Variants in ROBO2 observed in about 807,000 individuals in gnomAD.
The protein encoded by ROBO2 is roundabout homolog 2.
Under a neutral mutation model 160.8 loss-of-function variants are expected in ROBO2, and 53 were observed. The ratio of observed to expected loss-of-function variants is 0.33; its 90% CI spans 0.26 to 0.41. ROBO2 has a LOEUF of 0.41. Among genes scored for constraint, ROBO2 ranks in the 10% least tolerant of loss-of-function variants. The pLI, the probability that ROBO2 is intolerant of heterozygous loss-of-function variation, is 1.00. For missense variants in ROBO2, 1,577 were observed against 1,722.4 expected (o/e 0.92, Z 1.49); for synonymous variants, 664 against 611.7 (o/e 1.09, Z -1.26).
chr3:76,475,487 C>G (rs1283674594), intron 2 of ROBO2, among the ~76,000 whole-genome samples: 2 of 151,232 alleles, frequency 1.3e-5, no homozygotes, highest in Non-Finnish European at 2.9e-5. Context: ...ATCTGACTTT[C>G]ACTTTAAAAG....
At chr3:76,512,322 G>GTATATATATA (rs3043037) in intron 2 of ROBO2, among the ~76,000 whole-genome samples, 80 of 140,482 alleles carry the variant, frequency 5.7e-4, no homozygotes, top group African/African-American at 2.1e-3. Flanking sequence ...ATATATATAT[G>GTATATATATA]TATATATATA....
rs189013093 is a variant in ROBO2 at position 76,009,154 on chromosome 3, G to C, written c.109+71552G>C. On this transcript the variant is annotated intron_variant, in intron 2 of 26. Transcript: ENST00000487694. ...GTCTTGCTCTGTCGCCCAGGCTGGA[G>C]TGCAGGGGCGCGATCTCGGCTCACT... Among the ~76,000 whole-genome samples the C allele has an allele frequency of 2.0e-5, 3 of 152,260 alleles. No individual in the cohort carries two copies. In the East Asian group the frequency reaches 5.8e-4, roughly 29 times the overall value.
chr3:77,432,031 C>A (rs762167763), intron 2 of ROBO2, among the ~76,000 whole-genome samples: 20 of 152,106 alleles, frequency 1.3e-4, no homozygotes, highest in Non-Finnish European at 1.6e-4. Context: ...TTAGCAAAAC[C>A]AGGCTGAGCA....
intron 1 of ROBO2, among the ~76,000 whole-genome samples, chr3:77,048,908 T>A (rs969887656): frequency 6.6e-6 from 1 of 152,208 alleles, no homozygotes; most frequent in Admixed American, 6.5e-5. Context: ...CTTAGAACCT[T>A]ACCAAAAATG....
intron 2 of ROBO2, among the ~76,000 whole-genome samples, chr3:77,295,514 A>C (rs985580288): frequency 6.6e-5 from 10 of 150,694 alleles, no homozygotes; most frequent in African/African-American, 2.5e-4. Flanking sequence ...CATAAAGTAA[A>C]TTGACGGTTA....
intron 2 of ROBO2, among the ~76,000 whole-genome samples, chr3:76,203,805 C>T (rs761016079): frequency 2.0e-5 from 3 of 152,036 alleles, no homozygotes; most frequent in Non-Finnish European, 4.4e-5. Flanking sequence ...GGTCAGGGTT[C>T]TAGTAATCTG....
intron 2 of ROBO2, among the ~76,000 whole-genome samples, chr3:76,083,732 C>T (rs966383006): frequency 9.2e-5 from 14 of 152,088 alleles, no homozygotes; most frequent in South Asian, 6.2e-4. Flanking sequence ...ACTTATTTCC[C>T]GTTTGAATGT....
chr3:77,206,143 A>T (rs945544450), intron 2 of ROBO2, among the ~76,000 whole-genome samples: 3 of 149,908 alleles, frequency 2.0e-5, no homozygotes, highest in Admixed American at 1.3e-4. Flanking sequence ...CTCTTCCTGC[A>T]TCTCTCTCTC....
intron 23 of ROBO2, among the ~76,000 whole-genome samples, chr3:77,624,828 G>A (rs1366090587): frequency 6.6e-6 from 1 of 152,100 alleles, no homozygotes; most frequent in Non-Finnish European, 1.5e-5. Context: ...GTTACAGGAG[G>A]CAGCATGGGT....
intron 2 of ROBO2, among the ~76,000 whole-genome samples, chr3:76,001,157 CTAACGAAGCACAACATTGCAT>C (rs2065876103): frequency 4.6e-5 from 7 of 152,164 alleles, no homozygotes; most frequent in Admixed American, 4.6e-4. Flanking sequence ...TACATTAGCA[CTAACGAAGCACAACATTGCAT>C]TAACGAAGCA....
intron 2 of ROBO2, among the ~76,000 whole-genome samples, chr3:77,476,048 G>C (rs780384720): frequency 6.6e-6 from 1 of 152,134 alleles, no homozygotes; most frequent in Non-Finnish European, 1.5e-5. Flanking sequence ...ATCTCATAAA[G>C]GGCCATGACT....
chr3:76,136,248 G>A (rs1273097841), intron 2 of ROBO2, among the ~76,000 whole-genome samples: 1 of 152,086 alleles, frequency 6.6e-6, no homozygotes, highest in East Asian at 1.9e-4. Flanking sequence ...CTCTGAAGTT[G>A]ACAGTGCTGT....
At chr3:77,509,314 G>A (rs183947203) in intron 5 of ROBO2, among the ~76,000 whole-genome samples, 2 of 152,152 alleles carry the variant, frequency 1.3e-5, no homozygotes, top group East Asian at 3.9e-4. Flanking sequence ...AGGAAAAGCA[G>A]CAAGTTCCCC....
intron 2 of ROBO2, among the ~76,000 whole-genome samples, chr3:76,013,943 G>T (rs602394): frequency 0.73 from 64,880 of 88,372 alleles, 23,163 homozygotes; most frequent in East Asian, 0.95. Context: ...CTGGGCACGG[G>T]GGTGTATGCG....
At chr3:77,556,143 G>A (rs2093112172) in intron 8 of ROBO2, among the ~76,000 whole-genome samples, 1 of 151,682 alleles carries the variant, frequency 6.6e-6, no homozygotes, top group Non-Finnish European at 1.5e-5. Flanking sequence ...CTTTCTCACT[G>A]CATTAAAAAA....
At chr3:76,043,134 C>G (rs2107774004) in intron 2 of ROBO2, among the ~76,000 whole-genome samples, 1 of 152,062 alleles carries the variant, frequency 6.6e-6, no homozygotes, top group Non-Finnish European at 1.5e-5. Context: ...ATCTTACACA[C>G]AAGGTATTTA....
chr3:76,874,086 T>C (rs1248383312), intron 2 of ROBO2, among the ~76,000 whole-genome samples: 1 of 152,186 alleles, frequency 6.6e-6, no homozygotes, highest in African/African-American at 2.4e-5. Flanking sequence ...CCAGCCACAG[T>C]TGATTGACTA....
At chr3:77,411,335 A>C (rs75060530) in intron 2 of ROBO2, among the ~76,000 whole-genome samples, 2,025 of 152,320 alleles carry the variant, frequency 0.013, 45 homozygotes, top group African/African-American at 0.044. Context: ...ATTAAAATTA[A>C]AAATGCTTGA....
chr3:76,093,119 T>C (rs533991904), intron 2 of ROBO2, among the ~76,000 whole-genome samples: 11 of 152,302 alleles, frequency 7.2e-5, no homozygotes, highest in East Asian at 1.9e-4. Flanking sequence ...TTCTAGTCTT[T>C]ATATTTGTCT....
Sources: gnomAD v4.1 joint callset for allele counts (sites outside exome capture counted in the v4.1 genomes callset) on GRCh38, gnomAD v4.1.1 for gene constraint, MANE v1.5 for transcripts, NCBI Gene and HGNC (gene_info 2026-07-23, HGNC 2026-07-21) for gene names.